SCUBE1: variants seen among roughly 807,000 people sequenced by gnomAD.
The protein encoded by SCUBE1 is signal peptide, CUB and EGF-like domain-containing protein 1.
Under a neutral mutation model 124.4 loss-of-function variants are expected in SCUBE1, and 59 were observed. That is an observed-to-expected ratio of 0.47 (90% confidence interval 0.38 to 0.59). The LOEUF (loss-of-function observed/expected upper bound fraction) is 0.59, where lower values mean the gene tolerates loss of function less well. Ranked by LOEUF, SCUBE1 falls within the 20% of genes least tolerant of loss-of-function variation. The pLI is 0.00. For missense variants in SCUBE1, 1,150 were observed against 1,371.2 expected, an observed-to-expected ratio of 0.84 and a Z score of 2.55; for synonymous variants, 545 against 550.9, an observed-to-expected ratio of 0.99 and a Z score of 0.15.
At chr22:43,291,913 C>A (rs146643244) in intron 3 of SCUBE1, among the ~76,000 whole-genome samples, 233 of 152,240 alleles carry the variant, frequency 1.5e-3, no homozygotes, top group Non-Finnish European at 2.5e-3. Flanking sequence ...TAAAGTCCTA[C>A]GTATGGTAAG....
chr22:43,219,022 G>C (rs1036786043), intron 14 of SCUBE1, among the ~76,000 whole-genome samples: 2 of 152,158 alleles, frequency 1.3e-5, no homozygotes, highest in African/African-American at 4.8e-5. Flanking sequence ...TTTCCACCCA[G>C]TGAGCTTTGA....
intron 4 of SCUBE1, among the ~76,000 whole-genome samples, chr22:43,263,798 A>C (rs974382675): frequency 6.6e-6 from 1 of 152,218 alleles, no homozygotes; most frequent in African/African-American, 2.4e-5. Flanking sequence ...TTTGCGACTC[A>C]TATTTCCTCA....
At position 43,305,834 on chromosome 22, in the gene SCUBE1, G is replaced by T. The variant is rs940209435; in HGVS notation, c.349+14103C>A. On this transcript the variant is annotated intron_variant, in intron 3 of 21. Coordinates refer to ENST00000360835, the MANE Select transcript of SCUBE1 (RefSeq NM_173050.5). ...AAGTAGCACCTGGGAGGTTACTAAAGACCCCAGGCCAAGCAGCTGGGCTGC... is the reference window on the plus strand; with the variant it reads ...AAGTAGCACCTGGGAGGTTACTAAATACCCCAGGCCAAGCAGCTGGGCTGC... 2.6e-5 allele frequency among the ~76,000 whole-genome samples: 4 copies of T among 152,326 alleles called. No individual in the cohort carries two copies. The South Asian group carries it at 8.3e-4, about 32-fold the overall frequency.
rs541866068 is a variant in SCUBE1, at chr22:43,209,117, C to T, written c.2582-893G>A. 3.9e-5 allele frequency among the ~76,000 whole-genome samples: 6 copies of T among 152,332 alleles called. No individual in the cohort carries two copies. The South Asian group carries it at 1.2e-3, about 32-fold the overall frequency. ...TGCTCAGCTGCGTCAGCCTTGCTGA[C>T]ATCCGTCTACTCATTAGCTATGCTG... On this transcript the variant is annotated intron_variant, in intron 19 of 21. Transcript: ENST00000360835.
intron 2 of SCUBE1, among the ~76,000 whole-genome samples, chr22:43,320,432 C>T (rs1012218032): frequency 6.6e-6 from 1 of 152,244 alleles, no homozygotes; most frequent in African/African-American, 2.4e-5. Flanking sequence ...TGTCTTTCCA[C>T]ATCAGTGTCT....
chr22:43,224,249 C>T (rs542773644), intron 10 of SCUBE1, among the ~76,000 whole-genome samples: 3 of 152,340 alleles, frequency 2.0e-5, no homozygotes, highest in East Asian at 1.9e-4. Flanking sequence ...TTGCTTTCTG[C>T]GAGGGCACCG....
At chr22:43,209,576 G>A (rs577778876) in intron 19 of SCUBE1, among the ~76,000 whole-genome samples, 31 of 152,370 alleles carry the variant, frequency 2.0e-4, no homozygotes, top group African/African-American at 7.0e-4. Flanking sequence ...GCTCACAGAG[G>A]GGTGGGGAGG....
chr22:43,284,861 T>G (rs960654045), intron 4 of SCUBE1, among the ~76,000 whole-genome samples: 5 of 152,156 alleles, frequency 3.3e-5, no homozygotes, highest in African/African-American at 1.2e-4. Context: ...CCTCTGACCC[T>G]GGCTGTAGGA....
At chr22:43,251,057 G>A (rs1256122729) in intron 6 of SCUBE1, among the ~76,000 whole-genome samples, 1 of 152,202 alleles carries the variant, frequency 6.6e-6, no homozygotes, top group Non-Finnish European at 1.5e-5. Context: ...GGCTGTGGGG[G>A]AGACTCACTG....
chr22:43,287,024 C>G (rs1925173579), intron 4 of SCUBE1, among the ~76,000 whole-genome samples: 1 of 152,126 alleles, frequency 6.6e-6, no homozygotes, highest in Admixed American at 6.5e-5. Context: ...TCTAGATACA[C>G]CAGGCACAAG....
chr22:43,205,304 C>T (rs13057062), intron 21 of SCUBE1, among the ~76,000 whole-genome samples: 5,988 of 152,168 alleles, frequency 0.039, 146 homozygotes, highest in South Asian at 0.057. Flanking sequence ...AGGGCAGATG[C>T]AGTCCCCGCC....
rs888873746 is a variant in SCUBE1, at chr22:43,201,242, T to C, written c.*2755A>G. ...TGGCGTGAACCCGGGAGGCGGAGCT[T>C]GCAGTGAACCAAGATCGCGCCACTG... On this transcript the variant is annotated 3_prime_UTR_variant, in exon 22 of 22. Transcript: ENST00000360835. 3 of 125,836 alleles carry C rather than the reference T, an allele frequency of 2.4e-5. No homozygotes were observed. The highest frequency in any genetic ancestry group is 9.2e-5 in the African/African-American group (3 of 32,578). The allele number at this position is 125,836 out of a possible 1,614,324, so 7.8% of individuals were successfully genotyped here.
In SCUBE1 at chr22:43,230,109, C is replaced by T. The variant is rs548740598; in HGVS notation, c.968-921G>A. 4.5e-4 allele frequency among the ~76,000 whole-genome samples: 68 copies of T among 152,312 alleles called. 1 individual carries two copies. Among genetic ancestry groups the T allele is most frequent in the African/African-American group, 1.0e-3 (42 of 41,574 alleles). On this transcript the variant is annotated intron_variant, in intron 8 of 21. Coordinates refer to ENST00000360835, the MANE Select transcript of SCUBE1 (RefSeq NM_173050.5). ...CCTCCCAGGGAGGATCTGGGACCTCCGGGTACTTGCGGCACCTGGGCTAAA... is the reference window on the plus strand; with the variant it reads ...CCTCCCAGGGAGGATCTGGGACCTCTGGGTACTTGCGGCACCTGGGCTAAA...
rs1289130362 is a variant in SCUBE1 at position 43,203,403 on chromosome 22, G to A, written c.*594C>T. The A allele has an allele frequency of 6.8e-6, 1 of 148,014 alleles. No homozygotes were observed. Among genetic ancestry groups the A allele is most frequent in the African/African-American group, 2.5e-5 (1 of 40,596 alleles). The allele number at this position is 148,014 out of a possible 1,614,324, so 9.2% of individuals were successfully genotyped here. A position where few individuals can be genotyped will look rare whatever the true frequency, so the allele number is the denominator to read the frequency against. On this transcript the variant is annotated 3_prime_UTR_variant, in exon 22 of 22. Transcript: ENST00000360835. ...ATATATATTTATATATATATATAGA[G>A]TACTTCATTAAATGTTCTGTTGAAG...
chr22:43,212,103 G>GC (rs1185189805), intron 17 of SCUBE1, among the ~76,000 whole-genome samples: 2 of 149,378 alleles, frequency 1.3e-5, no homozygotes, highest in African/African-American at 5.0e-5. Flanking sequence ...CCACACTCCT[G>GC]CCCCCACACT....
In SCUBE1 at chr22:43,258,291, C is replaced by T; in HGVS notation, c.655G>A (p.Asp219Asn). The T allele has an allele frequency of 6.2e-7, 1 of 1,614,160 alleles. No homozygotes were observed. The highest frequency in any genetic ancestry group is 1.1e-5 in the South Asian group (1 of 91,080). Residue 219 changes from aspartate to asparagine, a missense_variant, in exon 6 of 22, where the codon GAC becomes AAC. By Grantham distance (23) the Asp-to-Asn change is conservative. Around this residue, in one of 3 missense-constraint regions of SCUBE1, gnomAD observed 337 missense variants for 482.1 expected, o/e 0.70. Transcript: ENST00000360835. The surrounding 1 kb of genome is among the most constrained non-coding windows in gnomAD (Gnocchi z 5.0). The stretch of plus-strand genomic sequence containing the variant: ...CCACACGTGGGGCCTGTGTCTGTGT[C>T]CTCACAGCTGTGCTGGCAGCCTCCG... ...GNGGCQHSCE[D>N]TDTGPTCGCH...
In SCUBE1 at chr22:43,303,596, G is replaced by A. The variant is rs371410780; in HGVS notation, c.350-12416C>T. On this transcript the variant is annotated intron_variant, in intron 3 of 21. Transcript: ENST00000360835. ...AAGCTTCACGGAAAAGGGGGCACTCGCTTGGCTGAGGCACTGGCACGCTCG... is the reference window on the plus strand; with the variant it reads ...AAGCTTCACGGAAAAGGGGGCACTCACTTGGCTGAGGCACTGGCACGCTCG... Among the ~76,000 whole-genome samples, 47 of 152,370 alleles carry A rather than the reference G, an allele frequency of 3.1e-4. No homozygotes were observed. The South Asian group carries it at 8.1e-3, about 26-fold the overall frequency.
At chr22:43,313,708 G>C (rs1281331282) in intron 3 of SCUBE1, among the ~76,000 whole-genome samples, 1 of 152,186 alleles carries the variant, frequency 6.6e-6, no homozygotes, top group Non-Finnish European at 1.5e-5. Context: ...ATGTCAAATA[G>C]AGTGAGGGCT....
chr22:43,307,287 G>A (rs972576557), intron 3 of SCUBE1, among the ~76,000 whole-genome samples: 3 of 152,238 alleles, frequency 2.0e-5, no homozygotes, highest in African/African-American at 7.2e-5. Flanking sequence ...AGTGAGCCCT[G>A]AGGAACAAGT....
Sources: allele counts gnomAD v4.1 joint callset (sites outside exome capture counted in the v4.1 genomes callset), GRCh38; gene constraint gnomAD v4.1.1; regional missense constraint gnomAD v4.1.1; non-coding constraint Gnocchi (gnomAD v3.1); transcripts MANE v1.5; gene names NCBI Gene and HGNC (gene_info 2026-07-23, HGNC 2026-07-21).